The following TNR variants were observed in gnomAD, a reference collection of about 807,000 sequenced individuals.
The protein encoded by TNR is tenascin R.
In TNR, 45 loss-of-function variants were observed where a neutral mutation model predicts 150.4. That is an observed-to-expected ratio of 0.30 (90% CI 0.24 to 0.38). The LOEUF is 0.38. Among genes scored for constraint, TNR ranks in the 10% least tolerant of loss-of-function variants. TNR has a pLI of 1.00. For missense variants in TNR, 1,544 were observed against 1,759.1 expected, an observed-to-expected ratio of 0.88 and a Z score of 2.19; for synonymous variants, 687 against 678.4, an observed-to-expected ratio of 1.01 and a Z score of -0.20.
At chr1:175,519,284 C>T (rs1659536937) in intron 2 of TNR, among the ~76,000 whole-genome samples, 1 of 152,214 alleles carries the variant, frequency 6.6e-6, no homozygotes, top group Non-Finnish European at 1.5e-5. Flanking sequence ...CATTTCTGAT[C>T]TTCCAGTGTG....
intron 8 of TNR, among the ~76,000 whole-genome samples, chr1:175,383,994 AG>A (rs1652805093): frequency 1.3e-5 from 2 of 152,220 alleles, no homozygotes; most frequent in Admixed American, 1.3e-4. Context: ...GGGAGCTCCT[AG>A]GAGGCAGAAT....
intron 21 of TNR, among the ~76,000 whole-genome samples, chr1:175,328,004 A>T (rs1471926589): frequency 6.6e-6 from 1 of 152,188 alleles, no homozygotes; most frequent in Non-Finnish European, 1.5e-5. Context: ...GCTACTCAGG[A>T]GGCTGAGGCA....
chr1:175,468,863 G>A (rs76418230), intron 2 of TNR, among the ~76,000 whole-genome samples: 1 of 152,056 alleles, frequency 6.6e-6, no homozygotes, highest in Non-Finnish European at 1.5e-5. Context: ...TTTCTGAAGG[G>A]CTCTCATAAG....
intron 1 of TNR, among the ~76,000 whole-genome samples, chr1:175,679,221 C>A (rs1229192032): frequency 6.6e-6 from 1 of 152,252 alleles, no homozygotes; most frequent in African/African-American, 2.4e-5. Context: ...AGCAAAGCTG[C>A]AACATCACTC....
At chr1:175,517,921 G>C (rs1659480626) in intron 2 of TNR, among the ~76,000 whole-genome samples, 1 of 152,188 alleles carries the variant, frequency 6.6e-6, no homozygotes, top group Non-Finnish European at 1.5e-5. Context: ...GGAGATCCTA[G>C]TGCATACCCA....
At chr1:175,648,085 T>C (rs1558053239) in intron 1 of TNR, among the ~76,000 whole-genome samples, 1 of 151,980 alleles carries the variant, frequency 6.6e-6, no homozygotes, top group Non-Finnish European at 1.5e-5. Context: ...AGAATTATAT[T>C]TTACGTTCTC....
intron 1 of TNR, among the ~76,000 whole-genome samples, chr1:175,530,305 T>C (rs1382816117): frequency 6.6e-6 from 1 of 152,140 alleles, no homozygotes; most frequent in Admixed American, 6.5e-5. Flanking sequence ...GTGTCCTGCA[T>C]TGAAAAAGGA....
intron 18 of TNR, among the ~76,000 whole-genome samples, chr1:175,339,710 G>T (rs550186324): frequency 6.6e-6 from 1 of 152,288 alleles, no homozygotes; most frequent in Non-Finnish European, 1.5e-5. Flanking sequence ...CCTGAAGAAA[G>T]GTTTCTTCAT....
At position 175,486,018 on chromosome 1, in the gene TNR, C is replaced by T. The variant is rs1016326888; in HGVS notation, c.-64+42251G>A. Among the ~76,000 whole-genome samples the T allele has an allele frequency of 5.3e-5, 8 of 152,124 alleles. No individual in the cohort carries two copies. In the South Asian group the frequency reaches 1.7e-3, roughly 32 times the overall value. On this transcript the variant is annotated intron_variant, in intron 2 of 22. Coordinates refer to ENST00000367674, the MANE Select transcript of TNR (RefSeq NM_003285.3). ...CAGTTATTCCCAATCATTTTGGCAC[C>T]AGGGACTGGTTTCACCAGAGAAGAC... is the stretch of plus-strand genomic sequence containing the variant.
At chr1:175,530,688 TTATAC>T (rs1470135027) in intron 1 of TNR, among the ~76,000 whole-genome samples, 1 of 152,074 alleles carries the variant, frequency 6.6e-6, no homozygotes, top group African/African-American at 2.4e-5. Flanking sequence ...TTTTACAAGA[TTATAC>T]TATACATGTA....
chr1:175,473,874 T>C (rs1657407583), intron 2 of TNR, among the ~76,000 whole-genome samples: 1 of 152,196 alleles, frequency 6.6e-6, no homozygotes, highest in Non-Finnish European at 1.5e-5. Flanking sequence ...TAAAAAATGC[T>C]GGTTTTAATG....
intron 18 of TNR, among the ~76,000 whole-genome samples, chr1:175,346,142 G>T (rs1650770584): frequency 6.6e-6 from 1 of 152,144 alleles, no homozygotes; most frequent in South Asian, 2.1e-4. Context: ...ATTACGGAAG[G>T]TTTGCCTTAC....
chr1:175,687,152 G>C (rs1208704373), intron 1 of TNR, among the ~76,000 whole-genome samples: 1 of 152,148 alleles, frequency 6.6e-6, no homozygotes, highest in African/African-American at 2.4e-5. Context: ...CCTGGGCTCA[G>C]CTCTGCCTGC....
At chr1:175,535,479 G>T (rs1349540324) in intron 1 of TNR, among the ~76,000 whole-genome samples, 1 of 148,960 alleles carries the variant, frequency 6.7e-6, no homozygotes, top group African/African-American at 2.5e-5. Context: ...TTGTTGTTTT[G>T]AGACGGAGTC....
At chr1:175,511,073 A>G (rs993108175) in intron 2 of TNR, among the ~76,000 whole-genome samples, 1 of 152,218 alleles carries the variant, frequency 6.6e-6, no homozygotes, top group African/African-American at 2.4e-5. Context: ...CAATTCAGCC[A>G]AATTTTCCTG....
At chr1:175,519,031 T>C (rs956383238) in intron 2 of TNR, among the ~76,000 whole-genome samples, 8 of 152,212 alleles carry the variant, frequency 5.3e-5, no homozygotes, top group African/African-American at 1.9e-4. Context: ...CCAAATCATG[T>C]TAACTACAAA....
chr1:175,609,065 C>A (rs1181733142), intron 1 of TNR, among the ~76,000 whole-genome samples: 1 of 152,194 alleles, frequency 6.6e-6, no homozygotes, highest in Non-Finnish European at 1.5e-5. Flanking sequence ...GGTAGTGGTT[C>A]TCTGAGTGTC....
At chr1:175,428,964 T>C (rs1261692963) in intron 2 of TNR, among the ~76,000 whole-genome samples, 1 of 152,082 alleles carries the variant, frequency 6.6e-6, no homozygotes, top group Non-Finnish European at 1.5e-5. Flanking sequence ...CACCCCTCCC[T>C]TGGGTTTTGA....
chr1:175,656,189 TGTATGTGG>T (rs1278490575), intron 1 of TNR, among the ~76,000 whole-genome samples: 19 of 142,896 alleles, frequency 1.3e-4, no homozygotes, highest in African/African-American at 5.0e-4. Context: ...TGTGTGTGTG[TGTATGTGG>T]TCTACCTTTT....
Sources: gnomAD v4.1 joint callset for allele counts (sites outside exome capture counted in the v4.1 genomes callset) on GRCh38, gnomAD v4.1.1 for gene constraint, MANE v1.5 for transcripts, NCBI Gene and HGNC (gene_info 2026-07-23, HGNC 2026-07-21) for gene names.